The following RERG variants were observed in gnomAD, a reference collection of about 807,000 sequenced individuals.
RERG encodes RAS like estrogen regulated growth inhibitor.
RERG carries 25 observed loss-of-function variants against 23.2 expected under a neutral mutation model. The ratio of observed to expected loss-of-function variants is 1.08; its 90% CI spans 0.79 to 1.50. The LOEUF is 1.50. Among genes scored for constraint, RERG ranks in the 40% most tolerant of loss-of-function variants. The pLI, the probability that RERG is intolerant of heterozygous loss-of-function variation, is 0.00. For missense variants in RERG, 253 were observed against 250.1 expected, an observed-to-expected ratio of 1.01 and a Z score of -0.08; for synonymous variants, 81 against 89.1, an observed-to-expected ratio of 0.91 and a Z score of 0.51.
chr12:15,116,280 G>A (rs1591633096), intron 3 of RERG, among the ~76,000 whole-genome samples: 1 of 152,130 alleles, frequency 6.6e-6, no homozygotes, highest in African/African-American at 2.4e-5. Flanking sequence ...CCTTTGTACC[G>A]ACTTCCCTTT....
intron 2 of RERG, among the ~76,000 whole-genome samples, chr12:15,205,897 T>C (rs565387035): frequency 6.6e-6 from 1 of 152,230 alleles, no homozygotes; most frequent in African/African-American, 2.4e-5. Context: ...AAGAGCAATT[T>C]AATATCATTT....
chr12:15,143,345 CACATGTGTGTATGTACAT>C (rs1864271708), intron 2 of RERG, among the ~76,000 whole-genome samples: 1 of 19,114 alleles, frequency 5.2e-5, no homozygotes, highest in African/African-American at 1.6e-4. Context: ...TATACATACA[CACATGTGTGTATGTACAT>C]ATAATATATA....
intron 2 of RERG, among the ~76,000 whole-genome samples, chr12:15,146,922 C>T (rs1046683892): frequency 1.3e-5 from 2 of 152,162 alleles, no homozygotes; most frequent in Non-Finnish European, 2.9e-5. Flanking sequence ...ATTACATTAA[C>T]AATCCCTCTC....
chr12:15,219,308 TAATTG>T (rs1443170043), intron 1 of RERG, among the ~76,000 whole-genome samples: 1 of 152,232 alleles, frequency 6.6e-6, no homozygotes, highest in Non-Finnish European at 1.5e-5. Flanking sequence ...CATTATCATG[TAATTG>T]TTTTCTTCCT....
At chr12:15,144,347 T>C (rs966873375) in intron 2 of RERG, among the ~76,000 whole-genome samples, 1 of 152,158 alleles carries the variant, frequency 6.6e-6, no homozygotes, top group African/African-American at 2.4e-5. Flanking sequence ...TTTGTCAGTA[T>C]AAAGATGCTA....
At chr12:15,122,156 A>G (rs2136089099) in intron 2 of RERG, among the ~76,000 whole-genome samples, 1 of 152,242 alleles carries the variant, frequency 6.6e-6, no homozygotes, top group Admixed American at 6.5e-5. Context: ...TGAGCCCTCC[A>G]TAGACCCCTG....
At position 15,146,101 on chromosome 12, in the gene RERG, T is replaced by C. The variant is rs532932641; in HGVS notation, c.62-24982A>G. ...ATTCTCTTTAGAATCTCAAGAAAAG[T>C]AGTAACGCTTTTTGAGTCTTAACAC... On this transcript the variant is annotated intron_variant, in intron 2 of 4. Coordinates refer to ENST00000256953, the MANE Select transcript of RERG (RefSeq NM_032918.3). Among the ~76,000 whole-genome samples the C allele has an allele frequency of 1.5e-3, 227 of 152,302 alleles. 1 individual carries two copies. Among genetic ancestry groups the C allele is most frequent in the African/African-American group, 5.3e-3 (220 of 41,574 alleles).
intron 2 of RERG, among the ~76,000 whole-genome samples, chr12:15,214,584 A>C (rs1171849362): frequency 6.6e-6 from 1 of 152,250 alleles, no homozygotes; most frequent in African/African-American, 2.4e-5. Context: ...TGCAGTAGAA[A>C]GATAAATGTG....
At chr12:15,205,003 T>G (rs1024744085) in intron 2 of RERG, among the ~76,000 whole-genome samples, 20 of 151,964 alleles carry the variant, frequency 1.3e-4, no homozygotes, top group Non-Finnish European at 1.5e-5. Flanking sequence ...TAATGCATTG[T>G]GGTCATGTAA....
At chr12:15,140,023 C>A (rs1323667270) in intron 2 of RERG, among the ~76,000 whole-genome samples, 2 of 152,134 alleles carry the variant, frequency 1.3e-5, no homozygotes, top group African/African-American at 2.4e-5. Flanking sequence ...TTGTCTCAAT[C>A]TTTCTTAAAT....
intron 2 of RERG, among the ~76,000 whole-genome samples, chr12:15,154,089 C>T (rs916222992): frequency 2.6e-5 from 4 of 152,150 alleles, no homozygotes; most frequent in Non-Finnish European, 4.4e-5. Context: ...ATCCTTCTGA[C>T]GCCTTGATTT....
chr12:15,164,382 CTTCTT>C (rs1425239760), intron 2 of RERG, among the ~76,000 whole-genome samples: 6 of 152,216 alleles, frequency 3.9e-5, no homozygotes, highest in African/African-American at 1.4e-4. Flanking sequence ...AACCTACTCC[CTTCTT>C]TTGAGACTTT....
At chr12:15,128,576 T>C (rs1268381141) in intron 2 of RERG, among the ~76,000 whole-genome samples, 1 of 152,152 alleles carries the variant, frequency 6.6e-6, no homozygotes, top group Non-Finnish European at 1.5e-5. Flanking sequence ...CCAATTGAAG[T>C]CCTGTTATGA....
At chr12:15,201,586 A>T (rs1208087570) in intron 2 of RERG, among the ~76,000 whole-genome samples, 2 of 148,866 alleles carry the variant, frequency 1.3e-5, no homozygotes, top group Non-Finnish European at 3.0e-5. Context: ...GCTAATATTA[A>T]TTATTAGTAA....
At chr12:15,196,220 T>C (rs1865142054) in intron 2 of RERG, among the ~76,000 whole-genome samples, 1 of 152,154 alleles carries the variant, frequency 6.6e-6, no homozygotes, top group African/African-American at 2.4e-5. Flanking sequence ...GTAATATCTA[T>C]AGATACGTAG....
intron 3 of RERG, among the ~76,000 whole-genome samples, chr12:15,120,298 C>T (rs1433231333): frequency 1.3e-5 from 2 of 152,080 alleles, no homozygotes; most frequent in African/African-American, 2.4e-5. Flanking sequence ...TTCTCTCTTT[C>T]CTAGACTGTG....
intron 2 of RERG, among the ~76,000 whole-genome samples, chr12:15,195,037 G>A (rs1006284146): frequency 6.6e-6 from 1 of 152,088 alleles, no homozygotes; most frequent in African/African-American, 2.4e-5. Flanking sequence ...TTTGTGGAAA[G>A]GTTTAATCTA....
chr12:15,126,750 T>A (rs1241464181), intron 2 of RERG, among the ~76,000 whole-genome samples: 4 of 126,386 alleles, frequency 3.2e-5, no homozygotes, highest in African/African-American at 1.2e-4. Context: ...TGAGACAGAG[T>A]CTCGCTCTGT....
intron 2 of RERG, among the ~76,000 whole-genome samples, chr12:15,207,667 T>C (rs554227285): frequency 3.9e-5 from 6 of 152,130 alleles, no homozygotes; most frequent in African/African-American, 1.4e-4. Flanking sequence ...GAGTGCATTG[T>C]AGAGCGAAAG....
Sources: allele counts gnomAD v4.1 joint callset (sites outside exome capture counted in the v4.1 genomes callset), GRCh38; gene constraint gnomAD v4.1.1; transcripts MANE v1.5; gene names NCBI Gene and HGNC (gene_info 2026-07-23, HGNC 2026-07-21).